Variants in UQCC1 observed in about 807,000 individuals in gnomAD.
The protein encoded by UQCC1 is bFGF-repressed Zic-binding protein.
UQCC1 carries 38 observed loss-of-function variants against 48.0 expected under a neutral mutation model. That is an observed-to-expected ratio of 0.79 (90% CI 0.61 to 1.04). The LOEUF is 1.04. Ranked by LOEUF, UQCC1 falls within the 50% of genes least tolerant of loss-of-function variation. UQCC1 has a pLI of 0.00. For synonymous variants in UQCC1, 111 were observed against 129.2 expected, an observed-to-expected ratio of 0.86 and a Z score of 0.95; for missense variants, 368 against 381.8, an observed-to-expected ratio of 0.96 and a Z score of 0.30.
intron 6 of UQCC1, among the ~76,000 whole-genome samples, chr20:35,355,878 T>C (rs1380046007): frequency 6.6e-6 from 1 of 150,860 alleles, no homozygotes; most frequent in Non-Finnish European, 1.5e-5. Context: ...ATTCTACACA[T>C]ACTATCTTTT....
intron 7 of UQCC1, among the ~76,000 whole-genome samples, chr20:35,341,487 A>C (rs2061378282): frequency 6.6e-6 from 1 of 152,130 alleles, no homozygotes; most frequent in Non-Finnish European, 1.5e-5. Flanking sequence ...GGCCTGCAGG[A>C]CTGGCTTCCT....
intron 5 of UQCC1, among the ~76,000 whole-genome samples, chr20:35,371,518 G>T (rs1027775476): frequency 1.3e-5 from 2 of 151,470 alleles, no homozygotes; most frequent in African/African-American, 4.8e-5. Context: ...TTAGTAGAGG[G>T]TGGGGGTTTC....
rs1015449724 is a variant in UQCC1, at chr20:35,304,376, CACGCCCTCCCTAG to C, written c.766-320_766-308del. On this transcript the variant is annotated intron_variant, in intron 9 of 9. Transcript: ENST00000374385. ...ACCTCCCAAGGACACGTCTCCCCTA[CACGCCCTCCCTAG>C]ACAGCTCCTGCAGGCCAGGAAGTCA... 2.0e-5 allele frequency among the ~76,000 whole-genome samples: 3 copies of C among 152,288 alleles called. No homozygotes were observed. In the South Asian group the frequency reaches 6.2e-4, roughly 32 times the overall value.
intron 7 of UQCC1, among the ~76,000 whole-genome samples, chr20:35,340,879 A>AT (rs2061369455): frequency 6.6e-6 from 1 of 152,140 alleles, no homozygotes; most frequent in Non-Finnish European, 1.5e-5. Context: ...CTGAAAGGAA[A>AT]TTTTCAGAAA....
chr20:35,339,094 C>A (rs557892997), intron 7 of UQCC1, among the ~76,000 whole-genome samples: 1 of 151,084 alleles, frequency 6.6e-6, no homozygotes, highest in Admixed American at 6.6e-5. Context: ...AAAACCGGAC[C>A]TTTTTCAAAG....
chr20:35,407,540 T>C (rs1375038679), intron 1 of UQCC1, among the ~76,000 whole-genome samples: 1 of 152,112 alleles, frequency 6.6e-6, no homozygotes, highest in African/African-American at 2.4e-5. Flanking sequence ...ACCCATAGGA[T>C]AGGAAAAATA....
chr20:35,312,001 C>T (rs1048305468), intron 8 of UQCC1, among the ~76,000 whole-genome samples: 2 of 152,110 alleles, frequency 1.3e-5, no homozygotes, highest in Non-Finnish European at 2.9e-5. Flanking sequence ...AATGGCTCTG[C>T]CAGAATGGAC....
At chr20:35,327,721 C>T (rs1451062129) in intron 7 of UQCC1, among the ~76,000 whole-genome samples, 2 of 152,120 alleles carry the variant, frequency 1.3e-5, no homozygotes, top group Admixed American at 6.5e-5. Context: ...TTGACAGAGC[C>T]GGGTGCAGTG....
chr20:35,402,168 C>T (rs1038511622), intron 1 of UQCC1, among the ~76,000 whole-genome samples: 1 of 152,082 alleles, frequency 6.6e-6, no homozygotes, highest in African/African-American at 2.4e-5. Flanking sequence ...ACAGGCCGGG[C>T]ATAGTGGCTC....
At chr20:35,410,704 C>CAAAAA (rs1183843739) in intron 1 of UQCC1, among the ~76,000 whole-genome samples, 175 of 2,704 alleles carry the variant, frequency 0.065, 44 homozygotes, top group African/African-American at 0.19. Context: ...GACTCTGCCT[C>CAAAAA]AAAAAAAAAA....
chr20:35,381,059 G>T (rs2061860306), intron 4 of UQCC1, among the ~76,000 whole-genome samples: 2 of 152,164 alleles, frequency 1.3e-5, no homozygotes, highest in African/African-American at 2.4e-5. Flanking sequence ...TCTATAATTG[G>T]TTAGAGGTAT....
intron 7 of UQCC1, among the ~76,000 whole-genome samples, chr20:35,321,430 G>T (rs1054385350): frequency 1.3e-5 from 2 of 152,164 alleles, no homozygotes; most frequent in African/African-American, 4.8e-5. Flanking sequence ...CATTTAAATA[G>T]AGTATGTTCC....
At chr20:35,323,810 G>A (rs1165030692) in intron 7 of UQCC1, among the ~76,000 whole-genome samples, 1 of 152,158 alleles carries the variant, frequency 6.6e-6, no homozygotes, top group Non-Finnish European at 1.5e-5. Flanking sequence ...TTATGTTCAG[G>A]ACCTACTCTT....
At chr20:35,395,251 T>A (rs2062060530) in intron 1 of UQCC1, among the ~76,000 whole-genome samples, 1 of 151,976 alleles carries the variant, frequency 6.6e-6, no homozygotes, top group Admixed American at 6.6e-5. Context: ...AAGCTACAAG[T>A]TCCAACCTTC....
chr20:35,368,219 T>C (rs2061690943), intron 5 of UQCC1, among the ~76,000 whole-genome samples: 1 of 152,160 alleles, frequency 6.6e-6, no homozygotes, highest in South Asian at 2.1e-4. Flanking sequence ...AGATAACACA[T>C]AGGCCCGGAC....
intron 8 of UQCC1, among the ~76,000 whole-genome samples, chr20:35,312,621 C>T (rs2061006825): frequency 6.6e-6 from 1 of 152,166 alleles, no homozygotes; most frequent in Non-Finnish European, 1.5e-5. Context: ...GTCATGCTTG[C>T]ATTAAATCTG....
chr20:35,362,571 C>G (rs1600946367), intron 6 of UQCC1, among the ~76,000 whole-genome samples: 1 of 152,226 alleles, frequency 6.6e-6, no homozygotes, highest in East Asian at 1.9e-4. Context: ...GTTGGCCAAG[C>G]TGGTCTTGAA....
rs75563959 is a variant in UQCC1 at position 35,326,845 on chromosome 20, C to T, written c.574-12080G>A. ...GGAAAACTACAGGATGCTTGTTCCA[C>T]ATCACTACCAACCATGTCAACTGCA... On this transcript the variant is annotated intron_variant, in intron 7 of 9. Transcript: ENST00000374385. Among the ~76,000 whole-genome samples, 683 of 152,326 alleles carry T rather than the reference C, an allele frequency of 4.5e-3. 7 individuals are homozygous for T. Among genetic ancestry groups the T allele is most frequent in the African/African-American group, 0.016 (653 of 41,578 alleles).
intron 6 of UQCC1, among the ~76,000 whole-genome samples, chr20:35,352,877 G>T (rs4911177): frequency 0.064 from 9,704 of 152,062 alleles, 425 homozygotes; most frequent in South Asian, 0.21. Flanking sequence ...TAGAGGCAGG[G>T]TCTCACCATC....
Sources: allele counts gnomAD v4.1 joint callset (sites outside exome capture counted in the v4.1 genomes callset), GRCh38; gene constraint gnomAD v4.1.1; transcripts MANE v1.5; gene names NCBI Gene and HGNC (gene_info 2026-07-23, HGNC 2026-07-21).